The following NHSL1 variants were observed in gnomAD, a reference collection of about 807,000 sequenced individuals.
The protein encoded by NHSL1 is NHS-like protein 1.
In NHSL1, 48 loss-of-function variants were observed where a neutral mutation model predicts 95.0. That is an observed-to-expected ratio of 0.51 (90% CI 0.40 to 0.64). NHSL1 has a LOEUF of 0.64. Among genes scored for constraint, NHSL1 ranks in the 30% least tolerant of loss-of-function variants. The pLI is 0.00. For synonymous variants in NHSL1, 783 were observed against 833.9 expected, an observed-to-expected ratio of 0.94 and a Z score of 1.05; for missense variants, 1,971 against 2,077.7, an observed-to-expected ratio of 0.95 and a Z score of 1.00.
At chr6:138,535,219 T>C (rs1410455298) in intron 1 of NHSL1, among the ~76,000 whole-genome samples, 1 of 152,004 alleles carries the variant, frequency 6.6e-6, no homozygotes, top group African/African-American at 2.4e-5. Context: ...GGAAAAAAAT[T>C]AATATAGTCA....
chr6:138,513,682 C>T (rs1184918142), intron 1 of NHSL1, among the ~76,000 whole-genome samples: 1 of 152,192 alleles, frequency 6.6e-6, no homozygotes, highest in Non-Finnish European at 1.5e-5. Flanking sequence ...CTTTTACCCA[C>T]TCTCTTCCCA....
At chr6:138,478,162 C>T (rs552844376) in intron 2 of NHSL1, among the ~76,000 whole-genome samples, 1 of 151,848 alleles carries the variant, frequency 6.6e-6, no homozygotes, top group South Asian at 2.1e-4. Context: ...TACAGGCATA[C>T]ACCACCATGC....
chr6:138,462,932 G>C (rs1392997450), intron 3 of NHSL1, among the ~76,000 whole-genome samples: 1 of 152,176 alleles, frequency 6.6e-6, no homozygotes, highest in Non-Finnish European at 1.5e-5. Context: ...AGCCAAGGAA[G>C]GATGAGTGTG....
At chr6:138,559,202 T>C (rs1488426918) in intron 1 of NHSL1, among the ~76,000 whole-genome samples, 2 of 152,232 alleles carry the variant, frequency 1.3e-5, no homozygotes, top group Non-Finnish European at 2.9e-5. Flanking sequence ...CTATGGGGGA[T>C]GGACAGTAGG....
At chr6:138,454,188 T>C (rs1313709361) in intron 3 of NHSL1, among the ~76,000 whole-genome samples, 1 of 146,230 alleles carries the variant, frequency 6.8e-6, no homozygotes, top group Non-Finnish European at 1.5e-5. Flanking sequence ...GTTATATGTG[T>C]GCGTGTGTGT....
intron 1 of NHSL1, among the ~76,000 whole-genome samples, chr6:138,660,993 A>G (rs1244323732): frequency 1.3e-5 from 2 of 152,102 alleles, no homozygotes; most frequent in Non-Finnish European, 2.9e-5. Context: ...GACTGGGGCT[A>G]GTCCTTTGGT....
intron 5 of NHSL1, among the ~76,000 whole-genome samples, chr6:138,440,296 A>T (rs1472009010): frequency 6.6e-6 from 1 of 152,192 alleles, no homozygotes; most frequent in Non-Finnish European, 1.5e-5. Flanking sequence ...AATGGAAAAA[A>T]GAGTCTGAAA....
chr6:138,676,538 C>A (rs1346732047), intron 1 of NHSL1, among the ~76,000 whole-genome samples: 1 of 152,160 alleles, frequency 6.6e-6, no homozygotes, highest in Non-Finnish European at 1.5e-5. Flanking sequence ...AGTATTAGTA[C>A]AATGCCCATT....
intron 3 of NHSL1, among the ~76,000 whole-genome samples, chr6:138,469,279 A>T (rs1380063626): frequency 6.6e-6 from 1 of 152,222 alleles, no homozygotes. Context: ...TGAAACCCTC[A>T]CTTCAACCTG....
intron 1 of NHSL1, among the ~76,000 whole-genome samples, chr6:138,568,133 T>A (rs1005502018): frequency 2.0e-5 from 3 of 152,228 alleles, no homozygotes; most frequent in African/African-American, 4.8e-5. Flanking sequence ...TCTTGTTCAG[T>A]TAAATGCTAA....
chr6:138,677,188 C>T (rs1785459506), intron 1 of NHSL1, among the ~76,000 whole-genome samples: 1 of 152,144 alleles, frequency 6.6e-6, no homozygotes, highest in Non-Finnish European at 1.5e-5. Flanking sequence ...TTTTATGTCC[C>T]ATCCACAAGC....
intron 1 of NHSL1, among the ~76,000 whole-genome samples, chr6:138,642,250 T>G (rs1339258236): frequency 6.6e-6 from 1 of 152,180 alleles, no homozygotes; most frequent in Non-Finnish European, 1.5e-5. Context: ...ATATTTCTCC[T>G]CAAGTGTTAG....
chr6:138,464,193 G>A lies in NHSL1; in HGVS notation c.339+9113C>T, dbSNP rs550362172. 2.6e-4 allele frequency: 190 copies of A among 717,186 alleles called. 2 individuals carry two copies. In the African/African-American group the frequency reaches 3.1e-3, roughly 12 times the overall value. 44.4% of individuals were successfully genotyped at this position (717,186 alleles called of 1,614,324 possible). A position where few individuals can be genotyped will look rare whatever the true frequency, so the allele number is the denominator to read the frequency against. ...CAGTTATACCTGGGCACCAGGGGCA[G>A]CCTGACAGAGGCTGAGAGGCTGCTG... On this transcript the variant is annotated intron_variant, in intron 3 of 7. Coordinates refer to ENST00000343505, the MANE Select transcript of NHSL1 (RefSeq NM_001144060.2).
chr6:138,485,658 G>A (rs1328575438), intron 2 of NHSL1, among the ~76,000 whole-genome samples: 1 of 152,046 alleles, frequency 6.6e-6, no homozygotes, highest in East Asian at 1.9e-4. Flanking sequence ...AATTCAATAG[G>A]AGAAGTTAAA....
At chr6:138,683,082 G>A (rs957110504) in intron 1 of NHSL1, among the ~76,000 whole-genome samples, 3 of 152,176 alleles carry the variant, frequency 2.0e-5, no homozygotes, top group African/African-American at 7.2e-5. Flanking sequence ...AGGAAATGGG[G>A]GCGAGAGGGC....
chr6:138,691,638 T>C (rs531404865), intron 1 of NHSL1, among the ~76,000 whole-genome samples: 1 of 152,282 alleles, frequency 6.6e-6, no homozygotes, highest in South Asian at 2.1e-4. Flanking sequence ...CAAGTTCACG[T>C]ACTTAAAAGG....
At chr6:138,536,389 T>C (rs1172429671) in intron 1 of NHSL1, among the ~76,000 whole-genome samples, 2 of 152,176 alleles carry the variant, frequency 1.3e-5, no homozygotes, top group Non-Finnish European at 2.9e-5. Context: ...GAAACGACAC[T>C]GGATGTTTTA....
intron 1 of NHSL1, among the ~76,000 whole-genome samples, chr6:138,589,970 T>C (rs1443834532): frequency 6.6e-6 from 1 of 152,010 alleles, no homozygotes; most frequent in African/African-American, 2.4e-5. Context: ...TGCCAGCCTC[T>C]AGTGTTTTTC....
intron 1 of NHSL1, among the ~76,000 whole-genome samples, chr6:138,666,465 G>A (rs1324971851): frequency 6.6e-6 from 1 of 151,892 alleles, no homozygotes; most frequent in Non-Finnish European, 1.5e-5. Context: ...GGTGGTGGGC[G>A]CCTATAGTCC....
Sources: allele counts gnomAD v4.1 joint callset (sites outside exome capture counted in the v4.1 genomes callset), GRCh38; gene constraint gnomAD v4.1.1; transcripts MANE v1.5; gene names NCBI Gene and HGNC (gene_info 2026-07-23, HGNC 2026-07-21).